SCTR: variants seen among roughly 807,000 people sequenced by gnomAD.
SCTR encodes pancreatic secretin receptor.
In SCTR, 56 loss-of-function variants were observed where a neutral mutation model predicts 60.8. The ratio of observed to expected loss-of-function variants is 0.92; its 90% confidence interval spans 0.74 to 1.15. The LOEUF (loss-of-function observed/expected upper bound fraction) is 1.15. SCTR is among the 50% of genes most tolerant of loss of function. The pLI is 0.00. For missense variants in SCTR, 562 were observed against 550.4 expected (o/e 1.02, Z -0.21); for synonymous variants, 202 against 217.0 (o/e 0.93, Z 0.61).
chr2:119,511,634 T>C (rs1276361234), intron 1 of SCTR, among the ~76,000 whole-genome samples: 3 of 152,144 alleles, frequency 2.0e-5, no homozygotes, highest in African/African-American at 7.2e-5. Flanking sequence ...GAGTTCTCCT[T>C]CCTCTTGCTC....
At chr2:119,515,057 T>C (rs1246881120) in intron 1 of SCTR, among the ~76,000 whole-genome samples, 1 of 152,220 alleles carries the variant, frequency 6.6e-6, no homozygotes, top group East Asian at 1.9e-4. Flanking sequence ...TTATATAACC[T>C]ATTCAAAACT....
intron 7 of SCTR, among the ~76,000 whole-genome samples, chr2:119,456,685 G>A (rs974268725): frequency 8.5e-5 from 13 of 152,264 alleles, no homozygotes; most frequent in Admixed American, 7.2e-4. Flanking sequence ...TAAAATTCAT[G>A]TCAACCCAGC....
chr2:119,519,222 G>A (rs544814968), intron 1 of SCTR, among the ~76,000 whole-genome samples: 2 of 152,078 alleles, frequency 1.3e-5, no homozygotes, highest in East Asian at 2.0e-4. Flanking sequence ...TGATCCACCC[G>A]CCTCGGCCTC....
chr2:119,450,854 C>T (rs1683136307), intron 9 of SCTR, among the ~76,000 whole-genome samples: 4 of 151,990 alleles, frequency 2.6e-5, no homozygotes, highest in Admixed American at 2.6e-4. Flanking sequence ...CCCAGCTACT[C>T]GGGAGGCTGA....
intron 1 of SCTR, among the ~76,000 whole-genome samples, chr2:119,518,533 C>T (rs1679182781): frequency 1.3e-5 from 2 of 152,192 alleles, no homozygotes; most frequent in African/African-American, 2.4e-5. Flanking sequence ...GGATGACCCT[C>T]CCCAAATGCC....
In SCTR at chr2:119,454,461, A is replaced by G. The variant is rs1683294024; in HGVS notation, c.791-1114T>C. On this transcript the variant is annotated intron_variant, in intron 7 of 12. Coordinates refer to ENST00000019103, the MANE Select transcript of SCTR (RefSeq NM_002980.3). ...GAGTGACAGTCTACACCAGCGCTCAAGGTGGCTCTTGAGCACCTGGTATGT... is the reference window on the plus strand; with the variant it reads ...GAGTGACAGTCTACACCAGCGCTCAGGGTGGCTCTTGAGCACCTGGTATGT... Among the ~76,000 whole-genome samples the G allele has an allele frequency of 2.0e-5, 3 of 151,954 alleles. 1 individual carries two copies. Among genetic ancestry groups the G allele is most frequent in the Middle Eastern group, 6.8e-3 (2 of 294 alleles).
Position 119,461,953 on chromosome 2 carries a change from G to C in SCTR, c.684C>G (p.Ala228=). ...VMVLFQYCIM[A]NYSWLLVEGL... is the part of the protein sequence containing the mutation. ...CTTCCACCAGCAGCCAGGAGTAGTTGGCCATGATGCAGTACTGGAACAGCA... is the reference window on the plus strand; with the variant it reads ...CTTCCACCAGCAGCCAGGAGTAGTTCGCCATGATGCAGTACTGGAACAGCA... The change falls in exon 7 of 13, where the codon GCC becomes GCG. Residue 228 remains alanine (A), a synonymous_variant. Coordinates refer to ENST00000019103, the MANE Select transcript of SCTR (RefSeq NM_002980.3). The C allele has an allele frequency of 3.1e-6, 5 of 1,613,984 alleles. No individual in the cohort carries two copies. The highest frequency in any genetic ancestry group is 4.2e-6 in the Non-Finnish European group (5 of 1,179,954).
At chr2:119,451,323 C>T (rs1478514516) in intron 9 of SCTR, among the ~76,000 whole-genome samples, 1 of 152,186 alleles carries the variant, frequency 6.6e-6, no homozygotes, top group Non-Finnish European at 1.5e-5. Context: ...TACCCATGGG[C>T]TGGGCTACAG....
At chr2:119,458,039 A>T (rs1285555050) in intron 7 of SCTR, among the ~76,000 whole-genome samples, 2 of 152,134 alleles carry the variant, frequency 1.3e-5, no homozygotes, top group Admixed American at 6.5e-5. Context: ...CATGCCTGTA[A>T]TCCCAGCACT....
At chr2:119,444,785 ACGTACGAATATATATACACATATATT>A (rs1188361547) in intron 11 of SCTR, among the ~76,000 whole-genome samples, 4 of 4,156 alleles carry the variant, frequency 9.6e-4, no homozygotes, top group East Asian at 0.1. Context: ...ACACATATAT[ACGTACGAATATATATACACATATATT>A]CGTACGAATA....
intron 3 of SCTR, among the ~76,000 whole-genome samples, chr2:119,474,375 C>A (rs780032595): frequency 3.3e-5 from 5 of 152,208 alleles, no homozygotes; most frequent in African/African-American, 4.8e-5. Flanking sequence ...AGGAGCCCAG[C>A]CTGCGGAAGG....
At chr2:119,478,502 G>T (rs1006264677) in intron 3 of SCTR, among the ~76,000 whole-genome samples, 1 of 152,136 alleles carries the variant, frequency 6.6e-6, no homozygotes, top group African/African-American at 2.4e-5. Flanking sequence ...GGTTGCTAAG[G>T]GGGCAGAAAC....
intron 1 of SCTR, among the ~76,000 whole-genome samples, chr2:119,506,142 C>A (rs766655237): frequency 2.0e-4 from 31 of 152,152 alleles, no homozygotes; most frequent in Non-Finnish European, 4.4e-4. Context: ...CATGCAACTA[C>A]GACAGTCCTG....
In SCTR at chr2:119,478,895, TG is replaced by T; in HGVS notation, c.216del (p.Asn72LysfsTer2). The T allele has an allele frequency of 6.2e-7, 1 of 1,614,172 alleles. No homozygotes were observed. The highest frequency in any genetic ancestry group is 2.2e-5 in the East Asian group (1 of 44,864). ...PVPGCEGMWD[N>X]ISCWPSSVPG... ...GGCACAGAAGAGGGCCAGCAGCTTA[TG>T]TTGTCCCACATCCCCTCACAACCTG... On this transcript the variant is annotated frameshift_variant, in exon 3 of 13. Transcript: ENST00000019103. LOFTEE classifies it high-confidence loss of function.
chr2:119,450,239 C>G (rs1004458362), intron 9 of SCTR, among the ~76,000 whole-genome samples: 13 of 151,826 alleles, frequency 8.6e-5, no homozygotes, highest in Admixed American at 1.3e-4. Context: ...AATTCCAGGC[C>G]CCATGCTAGG....
chr2:119,504,606 AAAATAAAT>A (rs968545838), intron 1 of SCTR, among the ~76,000 whole-genome samples: 3 of 151,948 alleles, frequency 2.0e-5, no homozygotes, highest in Non-Finnish European at 4.4e-5. Context: ...ATAAAAATTA[AAAATAAAT>A]AAATAAATAA....
intron 6 of SCTR, among the ~76,000 whole-genome samples, chr2:119,462,205 G>T (rs1340106869): frequency 6.6e-6 from 1 of 152,176 alleles, no homozygotes; most frequent in East Asian, 1.9e-4. Flanking sequence ...GGCCTAGTGG[G>T]TTCAGTCAAG....
At chr2:119,505,788 A>T (rs978543610) in intron 1 of SCTR, among the ~76,000 whole-genome samples, 2 of 151,966 alleles carry the variant, frequency 1.3e-5, no homozygotes, top group Admixed American at 1.3e-4. Flanking sequence ...GCACACCAAC[A>T]TGGCACATGT....
chr2:119,444,930 T>C (rs1333691750), intron 11 of SCTR, among the ~76,000 whole-genome samples: 1 of 82,606 alleles, frequency 1.2e-5, no homozygotes, highest in Admixed American at 1.5e-4. Flanking sequence ...AATATACACA[T>C]ATATTCGTAC....
Sources: allele counts gnomAD v4.1 joint callset (sites outside exome capture counted in the v4.1 genomes callset), GRCh38; gene constraint gnomAD v4.1.1; transcripts MANE v1.5; gene names NCBI Gene and HGNC (gene_info 2026-07-23, HGNC 2026-07-21).